Variants in AP4S1 observed in about 807,000 individuals in gnomAD.
The protein encoded by AP4S1 is adaptor related protein complex 4 subunit sigma 1.
In AP4S1, 23 loss-of-function variants were observed where a neutral mutation model predicts 19.8. The ratio of observed to expected loss-of-function variants is 1.16; its 90% CI spans 0.84 to 1.65. The LOEUF (loss-of-function observed/expected upper bound fraction) is 1.65. Ranked by LOEUF, AP4S1 falls within the 40% of genes most tolerant of loss-of-function variation. The pLI is 0.00. For synonymous variants in AP4S1, 46 were observed against 54.1 expected, an observed-to-expected ratio of 0.85 and a Z score of 0.66; for missense variants, 166 against 172.8, an observed-to-expected ratio of 0.96 and a Z score of 0.22.
chr14:31,067,717 C>T (rs1566534061), intron 2 of AP4S1, among the ~76,000 whole-genome samples: 1 of 151,740 alleles, frequency 6.6e-6, no homozygotes, highest in Non-Finnish European at 1.5e-5. Flanking sequence ...TGGGGTTTCA[C>T]CATGTTGGTC....
In AP4S1 at chr14:31,050,075, C is replaced by T. The variant is rs1008409708; in HGVS notation, c.-71-16051C>T. Reference sequence around the variant, plus strand: ...TAGCTGGGATTACAGGCATGCGCCACCACACCCTGCTAATTTTTGTACTTT... The same window carrying T: ...TAGCTGGGATTACAGGCATGCGCCATCACACCCTGCTAATTTTTGTACTTT... On this transcript the variant is annotated intron_variant, in intron 1 of 5. Transcript: ENST00000542754. Among the ~76,000 whole-genome samples the T allele has an allele frequency of 3.3e-5, 5 of 152,176 alleles. No individual in the cohort carries two copies. In the East Asian group the frequency reaches 7.7e-4, roughly 23 times the overall value.
intron 1 of AP4S1, among the ~76,000 whole-genome samples, chr14:31,030,274 T>TA (rs1265811082): frequency 6.6e-6 from 1 of 152,218 alleles, no homozygotes; most frequent in Non-Finnish European, 1.5e-5. Flanking sequence ...TAATAGTTTT[T>TA]ACACTATATT....
intron 5 of AP4S1, chr14:31,085,258 G>A (rs1391320588): frequency 5.6e-5 from 57 of 1,021,892 alleles, no homozygotes; most frequent in Non-Finnish European, 6.3e-5. Context: ...CCCAGAACCT[G>A]CCACCATGGC....
intron 3 of AP4S1, among the ~76,000 whole-genome samples, chr14:31,071,922 A>AT (rs60189766): frequency 0.73 from 108,764 of 148,374 alleles, 39,930 homozygotes; most frequent in Admixed American, 0.81. Flanking sequence ...TATTTATTTG[A>AT]TTTTTTTTGG....
chr14:31,044,338 A>G (rs553348910), intron 1 of AP4S1, among the ~76,000 whole-genome samples: 6 of 151,954 alleles, frequency 3.9e-5, no homozygotes, highest in African/African-American at 1.4e-4. Context: ...AACACATTAT[A>G]TGTCTGGTAA....
chr14:31,050,298 G>T lies in AP4S1; in HGVS notation c.-71-15828G>T, dbSNP rs139152172. Among the ~76,000 whole-genome samples, 1,304 of 152,264 alleles carry T rather than the reference G, an allele frequency of 8.6e-3. 20 individuals carry two copies. The highest frequency in any genetic ancestry group is 0.03 in the African/African-American group (1,228 of 41,562). ...CTCGAACGAACTCCTGACCTCAGGT[G>T]ATCTGCCCACCTCAGCCTCCCAAAA... is the stretch of plus-strand genomic sequence containing the variant. On this transcript the variant is annotated intron_variant, in intron 1 of 5. Coordinates refer to ENST00000542754, the MANE Select transcript of AP4S1 (RefSeq NM_001128126.3).
chr14:31,084,190 TCAG>T (rs1175954602), intron 5 of AP4S1, among the ~76,000 whole-genome samples: 1 of 152,246 alleles, frequency 6.6e-6, no homozygotes, highest in African/African-American at 2.4e-5. Flanking sequence ...GCCCTCCTTG[TCAG>T]CCCACATGGG....
rs776138091 is a variant in AP4S1 at position 31,069,859 on chromosome 14, A to G, written c.155A>G (p.Tyr52Cys). 6 of 1,612,744 alleles carry G rather than the reference A, an allele frequency of 3.7e-6. No homozygotes were observed. The highest frequency in any genetic ancestry group is 5.1e-6 in the Non-Finnish European group (6 of 1,178,888). The change falls in exon 3 of 6, where the codon TAT becomes TGT. Residue 52 changes from tyrosine to cysteine, a missense_variant. Tyr to Cys is a radical substitution (Grantham distance 194, BLOSUM62 -2). Coordinates refer to ENST00000542754, the MANE Select transcript of AP4S1 (RefSeq NM_001128126.3). ...RSNEQCSFIE[Y>C]KDFKLIYRQY... ...TTTGTCTAGTGCTCTTTCATTGAAT[A>G]TAAGGATTTTAAGCTGATATATCGG... is the stretch of plus-strand genomic sequence containing the variant.
At chr14:31,069,369 A>G (rs1228798636) in intron 2 of AP4S1, among the ~76,000 whole-genome samples, 1 of 152,234 alleles carries the variant, frequency 6.6e-6, no homozygotes, top group Non-Finnish European at 1.5e-5. Flanking sequence ...AGTCTAGGAA[A>G]AAGCAACCAA....
At chr14:31,040,465 T>C (rs984243654) in intron 1 of AP4S1, among the ~76,000 whole-genome samples, 3 of 152,200 alleles carry the variant, frequency 2.0e-5, no homozygotes, top group African/African-American at 7.2e-5. Context: ...TAAATTCCTT[T>C]GGTTTGATTT....
intron 1 of AP4S1, among the ~76,000 whole-genome samples, chr14:31,045,375 A>G (rs1885337229): frequency 6.6e-6 from 1 of 152,256 alleles, no homozygotes; most frequent in African/African-American, 2.4e-5. Flanking sequence ...GACAAGGTTG[A>G]AGTAATTGAA....
At chr14:31,087,842 T>C (rs984970417) in intron 5 of AP4S1, among the ~76,000 whole-genome samples, 2 of 152,344 alleles carry the variant, frequency 1.3e-5, no homozygotes, top group Non-Finnish European at 2.9e-5. Context: ...TGAGAGTATC[T>C]GTGAATGTCT....
intron 4 of AP4S1, among the ~76,000 whole-genome samples, chr14:31,073,336 A>G (rs544747902): frequency 1.4e-5 from 2 of 144,146 alleles, no homozygotes; most frequent in South Asian, 4.5e-4. Flanking sequence ...TAAAAATACA[A>G]AAAATTAGCT....
chr14:31,055,758 C>T (rs1886074256), intron 1 of AP4S1, among the ~76,000 whole-genome samples: 1 of 151,142 alleles, frequency 6.6e-6, no homozygotes, highest in Non-Finnish European at 1.5e-5. Flanking sequence ...TGTTATGATT[C>T]TGGGGTACAT....
chr14:31,073,460 A>G (rs192362058), intron 4 of AP4S1, among the ~76,000 whole-genome samples: 1 of 146,282 alleles, frequency 6.8e-6, no homozygotes, highest in Non-Finnish European at 1.5e-5. Flanking sequence ...ACTGCACTCC[A>G]GCCTGGGCAA....
chr14:31,085,103 C>A (rs1887862600), intron 5 of AP4S1: 2 of 1,370,102 alleles, frequency 1.5e-6, no homozygotes, highest in Admixed American at 6.1e-5. Context: ...CTCCTCGGGC[C>A]CTGTGCTCTA....
chr14:31,041,298 T>C (rs1594638579), intron 1 of AP4S1, among the ~76,000 whole-genome samples: 1 of 151,780 alleles, frequency 6.6e-6, no homozygotes, highest in African/African-American at 2.4e-5. Context: ...TACAGGCACC[T>C]GCCACCACAC....
At chr14:31,085,817 T>G (rs951295640) in intron 5 of AP4S1, 1 of 983,946 alleles carries the variant, frequency 1.0e-6, no homozygotes, top group Non-Finnish European at 1.2e-6. Flanking sequence ...TGTTTGTATT[T>G]TATAAACTCA....
intron 1 of AP4S1, among the ~76,000 whole-genome samples, chr14:31,054,950 G>A (rs1189596865): frequency 6.8e-6 from 1 of 147,884 alleles, no homozygotes; most frequent in Non-Finnish European, 1.5e-5. Flanking sequence ...GATGCAAATG[G>A]CACTTTACCT....
Sources: allele counts gnomAD v4.1 joint callset (sites outside exome capture counted in the v4.1 genomes callset), GRCh38; gene constraint gnomAD v4.1.1; transcripts MANE v1.5; gene names NCBI Gene and HGNC (gene_info 2026-07-23, HGNC 2026-07-21).